SYT10: variants seen among roughly 807,000 people sequenced by gnomAD.
SYT10 encodes synaptotagmin 10.
A neutral mutation model predicts 51.1 loss-of-function variants in SYT10; 31 were observed. That is an observed-to-expected ratio of 0.61 (90% CI 0.46 to 0.82). The LOEUF is 0.82. Ranked by LOEUF, SYT10 falls within the 40% of genes least tolerant of loss-of-function variation. The pLI is 0.00. For missense variants in SYT10, 603 were observed against 634.0 expected (o/e 0.95, Z 0.53); for synonymous variants, 233 against 225.9 (o/e 1.03, Z -0.28).
intron 2 of SYT10, among the ~76,000 whole-genome samples, chr12:33,414,025 G>A (rs1866431897): frequency 6.6e-6 from 1 of 151,930 alleles, no homozygotes; most frequent in South Asian, 2.1e-4. Flanking sequence ...AAAGGCAGGG[G>A]TTGCAATCCT....
At chr12:33,385,436 T>A in intron 3 of SYT10, 145 bp from the exon 4 acceptor site, 1 of 1,200,406 alleles carries the variant, frequency 8.3e-7, no homozygotes, top group Admixed American at 2.8e-5. Flanking sequence ...CTATTCTGAA[T>A]GCAGTAAGCA....
intron 1 of SYT10, among the ~76,000 whole-genome samples, chr12:33,429,899 G>C (rs1866583020): frequency 6.6e-6 from 1 of 152,110 alleles, no homozygotes; most frequent in South Asian, 2.1e-4. Flanking sequence ...CCAATCACTG[G>C]GAGGCCAGGG....
At chr12:33,415,529 T>C (rs909630613) in intron 2 of SYT10, among the ~76,000 whole-genome samples, 2 of 152,284 alleles carry the variant, frequency 1.3e-5, no homozygotes, top group African/African-American at 4.8e-5. Context: ...TAAATTAACC[T>C]TAGATATTGC....
chr12:33,432,201 G>A (rs572908962), intron 1 of SYT10: 1 of 152,106 alleles, frequency 6.6e-6, no homozygotes, highest in East Asian at 1.9e-4. Flanking sequence ...AAAGCATTGT[G>A]CCATAGTTTA....
chr12:33,437,219 A>C (rs572314478), intron 1 of SYT10, among the ~76,000 whole-genome samples: 1 of 152,360 alleles, frequency 6.6e-6, no homozygotes, highest in East Asian at 1.9e-4. Flanking sequence ...TATCTTTCCT[A>C]GTAATAGCCA....
chr12:33,415,229 A>T (rs898035554), intron 2 of SYT10, among the ~76,000 whole-genome samples: 11 of 152,188 alleles, frequency 7.2e-5, no homozygotes, highest in African/African-American at 2.7e-4. Flanking sequence ...ACAGTTTTTG[A>T]GATTAAATGA....
At chr12:33,414,113 C>G (rs1866432970) in intron 2 of SYT10, among the ~76,000 whole-genome samples, 1 of 152,184 alleles carries the variant, frequency 6.6e-6, no homozygotes, top group Admixed American at 6.5e-5. Context: ...GTAAAGGGAT[C>G]AATTCAACAA....
chr12:33,417,919 G>T (rs1221336725), intron 2 of SYT10, among the ~76,000 whole-genome samples: 1 of 152,168 alleles, frequency 6.6e-6, no homozygotes, highest in Non-Finnish European at 1.5e-5. Context: ...TGGAGGTTTT[G>T]GTGAGTTGGA....
intron 2 of SYT10, 42 bp from the exon 3 acceptor site, chr12:33,407,398 A>C: frequency 7.0e-6 from 11 of 1,576,242 alleles, no homozygotes; most frequent in Non-Finnish European, 7.7e-6. Flanking sequence ...GAGGGAGATC[A>C]TTTTGATGAG....
chr12:33,388,989 A>G (rs1866181083), intron 3 of SYT10, among the ~76,000 whole-genome samples: 1 of 152,220 alleles, frequency 6.6e-6, no homozygotes. Flanking sequence ...CATAACTAGA[A>G]GGTCTATTAA....
At position 33,435,598 on chromosome 12, in the gene SYT10, T is replaced by C. The variant is rs148611162; in HGVS notation, c.151+3774A>G. Among the ~76,000 whole-genome samples, 1,078 of 152,342 alleles carry C rather than the reference T, an allele frequency of 7.1e-3. 14 individuals carry two copies. The highest frequency in any genetic ancestry group is 0.025 in the African/African-American group (1,033 of 41,580). On this transcript the variant is annotated intron_variant, in intron 1 of 6. Transcript: ENST00000228567. ...ACAAGTCTCAAGGAAAAAATTCTAC[T>C]GATAATATGTTTGTGAATTGGAATT...
At chr12:33,387,426 C>A (rs951090722) in intron 3 of SYT10, among the ~76,000 whole-genome samples, 2 of 152,126 alleles carry the variant, frequency 1.3e-5, no homozygotes, top group African/African-American at 4.8e-5. Context: ...GCACTTTATA[C>A]AGGGTTTGGC....
At chr12:33,398,456 C>T (rs569451196) in intron 3 of SYT10, among the ~76,000 whole-genome samples, 12 of 151,916 alleles carry the variant, frequency 7.9e-5, no homozygotes, top group South Asian at 4.2e-4. Context: ...GAGGTTGCAA[C>T]GAGCCGAGAT....
chr12:33,439,530 CTTTTCTTTCG>C lies in SYT10; in HGVS notation c.-18_-9del. The C allele has an allele frequency of 6.2e-7, 1 of 1,611,622 alleles. No homozygotes were observed. The highest frequency in any genetic ancestry group is 8.5e-7 in the Non-Finnish European group (1 of 1,178,362). Reference sequence around the variant, plus strand: ...CTCCTTGTGGAAACTCATCGTTTGGCTTTTCTTTCGTTTTCTCTTTTTTTCCCAGTTAGCC... The same window carrying C: ...CTCCTTGTGGAAACTCATCGTTTGGCTTTTCTCTTTTTTTCCCAGTTAGCC... On this transcript the variant is annotated 5_prime_UTR_variant, in exon 1 of 7. Coordinates refer to ENST00000228567, the MANE Select transcript of SYT10 (RefSeq NM_198992.4).
chr12:33,424,964 T>A (rs2138431389), intron 2 of SYT10, among the ~76,000 whole-genome samples: 1 of 152,142 alleles, frequency 6.6e-6, no homozygotes, highest in East Asian at 1.9e-4. Flanking sequence ...CCTCCTTATC[T>A]CAAAGTTCCT....
In SYT10 at chr12:33,426,242, G is replaced by A; in HGVS notation, c.405C>T (p.His135=). The change falls in exon 2 of 7, where the codon CAC becomes CAT. Residue 135 remains histidine (H), a synonymous_variant. Transcript: ENST00000228567. ...KAIEPAIKIS[H]TSPDIPAEVQ... The stretch of plus-strand genomic sequence containing the variant: ...CTTCTGCTGGGATGTCAGGGGAAGT[G>A]TGGCTGATTTTTATTGCAGGCTCAA... The A allele has an allele frequency of 6.2e-7, 1 of 1,614,152 alleles. No homozygotes were observed. Among genetic ancestry groups the A allele is most frequent in the Non-Finnish European group, 8.5e-7 (1 of 1,180,024 alleles).
intron 4 of SYT10, among the ~76,000 whole-genome samples, chr12:33,384,263 T>G (rs1866139568): frequency 6.6e-6 from 1 of 152,178 alleles, no homozygotes; most frequent in African/African-American, 2.4e-5. Flanking sequence ...AATATTCATG[T>G]TAATTTTTTA....
chr12:33,382,646 C>T, intron 4 of SYT10, 126 bp from the exon 5 acceptor site: 1 of 794,346 alleles, frequency 1.3e-6, no homozygotes, highest in South Asian at 4.0e-5. Context: ...TTAGTATTAC[C>T]AATTTTAAAT....
At chr12:33,413,563 A>G (rs1212269240) in intron 2 of SYT10, among the ~76,000 whole-genome samples, 2 of 152,206 alleles carry the variant, frequency 1.3e-5, no homozygotes, top group Non-Finnish European at 2.9e-5. Flanking sequence ...TCAACTCAGA[A>G]TTTCATATCC....
Sources: allele counts gnomAD v4.1 joint callset (sites outside exome capture counted in the v4.1 genomes callset), GRCh38; gene constraint gnomAD v4.1.1; transcripts MANE v1.5; gene names NCBI Gene and HGNC (gene_info 2026-07-23, HGNC 2026-07-21).